Variants in SLCO3A1 observed in about 807,000 individuals in gnomAD.
SLCO3A1 encodes the protein solute carrier organic anion transporter family member 3A1.
In SLCO3A1, 27 loss-of-function variants were observed where a neutral mutation model predicts 63.1. The observed-to-expected ratio is 0.43, with a 90% CI of 0.32 to 0.59. SLCO3A1 has a LOEUF of 0.59. Among genes scored for constraint, SLCO3A1 ranks in the 20% least tolerant of loss-of-function variants. SLCO3A1 has a pLI of 0.09. For missense variants in SLCO3A1, 773 were observed against 945.8 expected, an observed-to-expected ratio of 0.82 and a Z score of 2.40; for synonymous variants, 473 against 409.9, an observed-to-expected ratio of 1.15 and a Z score of -1.86.
At position 91,875,496 on chromosome 15, in the gene SLCO3A1, C is replaced by A. The variant is rs1897377202; in HGVS notation, c.180+21408C>A. On this transcript the variant is annotated intron_variant, in intron 1 of 9. Transcript: ENST00000318445. This position sits in a 1 kb window ranked among gnomAD's most constrained non-coding sequence, Gnocchi z 4.5. ...CATGTGACGTAAACCTAGGTTGGTTCCTCCCCCGTCAGTTGGAGATGATTA... is the reference window on the plus strand; with the variant it reads ...CATGTGACGTAAACCTAGGTTGGTTACTCCCCCGTCAGTTGGAGATGATTA... 6.6e-6 allele frequency among the ~76,000 whole-genome samples: 1 copy of A among 152,192 alleles called. No individual in the cohort carries two copies. Among genetic ancestry groups the A allele is most frequent in the South Asian group, 2.1e-4 (1 of 4,822 alleles).
In SLCO3A1 at chr15:92,163,555, T is replaced by C. The variant is rs201988923; in HGVS notation, c.*420T>C. 1.6e-5 allele frequency: 9 copies of C among 552,752 alleles called. No individual in the cohort carries two copies. In the South Asian group the frequency reaches 5.7e-4, roughly 35 times the overall value. 34.2% of individuals were successfully genotyped at this position (552,752 alleles called of 1,614,324 possible). A position where few individuals can be genotyped will look rare whatever the true frequency, so the allele number is the denominator to read the frequency against. ...AAGAAGTTTCCTAAAATAAAAAAAA[T>C]TAAAAAAAAAAAACCCACAAGTTGA... On this transcript the variant is annotated 3_prime_UTR_variant, in exon 10 of 10. Transcript: ENST00000318445.
At chr15:92,150,344 G>A (rs1389676963) in intron 8 of SLCO3A1, among the ~76,000 whole-genome samples, 3 of 151,802 alleles carry the variant, frequency 2.0e-5, no homozygotes, top group African/African-American at 7.3e-5. Context: ...TTAATCTCCT[G>A]TGGCAACACC....
At chr15:92,029,853 G>C (rs1412263594) in intron 2 of SLCO3A1, among the ~76,000 whole-genome samples, 1 of 131,582 alleles carries the variant, frequency 7.6e-6, no homozygotes, top group Non-Finnish European at 1.6e-5. Flanking sequence ...CACGTTATGA[G>C]AGATAAAAGA....
intron 1 of SLCO3A1, among the ~76,000 whole-genome samples, chr15:91,867,118 G>C (rs1001905079): frequency 6.6e-6 from 1 of 152,350 alleles, no homozygotes; most frequent in South Asian, 2.1e-4. Context: ...TGCCACTCCA[G>C]TTAGCAGCGC....
At chr15:92,031,744 C>G (rs2046651537) in intron 2 of SLCO3A1, among the ~76,000 whole-genome samples, 1 of 152,196 alleles carries the variant, frequency 6.6e-6, no homozygotes, top group Non-Finnish European at 1.5e-5. Flanking sequence ...GCATAATAAT[C>G]ACATCAGGGT....
At chr15:91,892,665 G>A (rs764040169) in intron 1 of SLCO3A1, among the ~76,000 whole-genome samples, 5 of 152,110 alleles carry the variant, frequency 3.3e-5, no homozygotes, top group Non-Finnish European at 5.9e-5. Context: ...CCTGAGACTC[G>A]GTTATCACAG....
chr15:92,128,362 G>T lies in SLCO3A1; in HGVS notation c.1385G>T (p.Gly462Val), dbSNP rs754580854. ...CCTTTCTTTTCCAGCACAGCACCTG[G>T]CTCAGCCCTGGACCCCTACTCGCCC... ...TVPYGNSTAP[G>V]SALDPYSPCN... Residue 462 changes from glycine to valine, a missense_variant, in exon 7 of 10, where the codon GGC becomes GTC. Gly to Val is a moderately radical substitution (Grantham distance 109, BLOSUM62 -3). Coordinates refer to ENST00000318445, the MANE Select transcript of SLCO3A1 (RefSeq NM_013272.4). 1 of 1,613,860 alleles carries T rather than the reference G, an allele frequency of 6.2e-7. No homozygotes were observed. The highest frequency in any genetic ancestry group is 2.2e-5 in the East Asian group (1 of 44,872).
chr15:92,058,271 G>C (rs1377401896), intron 2 of SLCO3A1, among the ~76,000 whole-genome samples: 1 of 152,138 alleles, frequency 6.6e-6, no homozygotes, highest in Non-Finnish European at 1.5e-5. Context: ...GAGAGTCTAA[G>C]TTCAGTGCCC....
chr15:92,127,094 C>T (rs2047933498), intron 6 of SLCO3A1, among the ~76,000 whole-genome samples: 1 of 152,244 alleles, frequency 6.6e-6, no homozygotes, highest in Non-Finnish European at 1.5e-5. Context: ...AGAACAGAGG[C>T]AGCTTTCTGT....
intron 7 of SLCO3A1, among the ~76,000 whole-genome samples, chr15:92,145,158 C>T (rs2048204267): frequency 1.3e-5 from 2 of 152,084 alleles, no homozygotes; most frequent in South Asian, 2.1e-4. Flanking sequence ...ATATGGAGCC[C>T]ACTGAAGAGC....
intron 3 of SLCO3A1, among the ~76,000 whole-genome samples, chr15:92,097,535 G>A (rs1596098542): frequency 6.6e-6 from 1 of 152,360 alleles, no homozygotes; most frequent in East Asian, 1.9e-4. Flanking sequence ...GTGGAGCGGT[G>A]TGATCCATGG....
chr15:92,153,838 C>T (rs575556036), intron 9 of SLCO3A1, among the ~76,000 whole-genome samples: 5 of 151,890 alleles, frequency 3.3e-5, no homozygotes. Context: ...TTGGGGGCTG[C>T]AGAAGGCCCA....
intron 2 of SLCO3A1, among the ~76,000 whole-genome samples, chr15:91,949,490 C>T (rs1172808501): frequency 1.3e-5 from 2 of 151,786 alleles, no homozygotes; most frequent in Non-Finnish European, 2.9e-5. Context: ...ATTAGCCAAG[C>T]GTGGTGGTAT....
intron 2 of SLCO3A1, among the ~76,000 whole-genome samples, chr15:92,070,796 T>C (rs2047207100): frequency 6.6e-6 from 1 of 152,214 alleles, no homozygotes; most frequent in Non-Finnish European, 1.5e-5. Context: ...TGTGCCTTCA[T>C]TCTTCTAGTC....
intron 9 of SLCO3A1, among the ~76,000 whole-genome samples, chr15:92,159,514 C>T (rs970511373): frequency 1.0e-4 from 15 of 150,670 alleles, no homozygotes; most frequent in Non-Finnish European, 1.8e-4. Flanking sequence ...TCATCTCTAC[C>T]ACAAATGCAC....
At position 91,968,182 on chromosome 15, in the gene SLCO3A1, G is replaced by T. The variant is rs908644844; in HGVS notation, c.646+51724G>T. 6.6e-6 allele frequency among the ~76,000 whole-genome samples: 1 copy of T among 152,138 alleles called. No individual in the cohort carries two copies. The highest frequency in any genetic ancestry group is 2.4e-5 in the African/African-American group (1 of 41,410). ...TAATCATCCATGCCCACAGAGGAGA[G>T]CGTGTGCCCTGAGTTTCAGTGCCGG... On this transcript the variant is annotated intron_variant, in intron 2 of 9. Transcript: ENST00000318445. The surrounding 1 kb of genome is among the most constrained non-coding windows in gnomAD (Gnocchi z 4.2).
At chr15:91,945,041 A>G (rs1183205133) in intron 2 of SLCO3A1, among the ~76,000 whole-genome samples, 1 of 152,110 alleles carries the variant, frequency 6.6e-6, no homozygotes, top group Non-Finnish European at 1.5e-5. Flanking sequence ...TATTCACCCA[A>G]CAGATATTTA....
Position 91,853,858 on chromosome 15 carries a change from G to C in SLCO3A1, c.-51G>C. On this transcript the variant is annotated 5_prime_UTR_variant, in exon 1 of 10. Transcript: ENST00000318445. ...GCCCGGCAGCGGCCCCGACACCCGG[G>C]GCGAGCGGGAAAGCGGCAGCGGCGG... is the stretch of plus-strand genomic sequence containing the variant. The C allele has an allele frequency of 7.9e-7, 1 of 1,267,004 alleles. No individual in the cohort carries two copies. Among genetic ancestry groups the C allele is most frequent in the Non-Finnish European group, 9.9e-7 (1 of 1,007,070 alleles). The allele number at this position is 1,267,004 out of a possible 1,614,324, so 78.5% of individuals were successfully genotyped here. A position where few individuals can be genotyped will look rare whatever the true frequency, so the allele number is the denominator to read the frequency against.
At chr15:91,855,323 G>T (rs766895964) in intron 1 of SLCO3A1, among the ~76,000 whole-genome samples, 2 of 152,192 alleles carry the variant, frequency 1.3e-5, no homozygotes, top group Admixed American at 6.5e-5. Context: ...GGAAATACAA[G>T]CAGTGCTTGG....
Sources: gnomAD v4.1 joint callset for allele counts (sites outside exome capture counted in the v4.1 genomes callset) on GRCh38, gnomAD v4.1.1 for gene constraint, Gnocchi (gnomAD v3.1) non-coding constraint, MANE v1.5 for transcripts, NCBI Gene and HGNC (gene_info 2026-07-23, HGNC 2026-07-21) for gene names.